PTK2B: variants seen among roughly 807,000 people sequenced by gnomAD.
PTK2B encodes the protein protein-tyrosine kinase 2-beta.
Under a neutral mutation model 142.9 loss-of-function variants are expected in PTK2B, and 71 were observed. That is an observed-to-expected ratio of 0.50 (90% confidence interval 0.41 to 0.61). The LOEUF is 0.61. PTK2B is among the 20% of genes least tolerant of loss of function. The pLI, the probability that PTK2B is intolerant of heterozygous loss-of-function variation, is 0.00. For missense variants in PTK2B, 1,105 were observed against 1,320.4 expected, an observed-to-expected ratio of 0.84 and a Z score of 2.53; for synonymous variants, 519 against 503.4, an observed-to-expected ratio of 1.03 and a Z score of -0.42.
intron 21 of PTK2B, among the ~76,000 whole-genome samples, chr8:27,442,388 C>T (rs142020785): frequency 9.2e-5 from 14 of 152,242 alleles, no homozygotes; most frequent in East Asian, 1.9e-4. Context: ...GTGAGAGGCG[C>T]GCACATGGCT....
intron 2 of PTK2B, among the ~76,000 whole-genome samples, chr8:27,407,908 CAGT>C (rs1436241728): frequency 1.3e-5 from 2 of 152,208 alleles, no homozygotes; most frequent in African/African-American, 4.8e-5. Flanking sequence ...TAAAGCCAGT[CAGT>C]TGTTCTGACC....
At chr8:27,320,979 G>GTTT (rs1257774872), upstream of PTK2B, among the ~76,000 whole-genome samples, 3 of 32,654 alleles carry the variant, frequency 9.2e-5, no homozygotes, top group African/African-American at 1.0e-4. Flanking sequence ...CATACAAAAG[G>GTTT]CTTTTTTTTT....
chr8:27,374,063 G>T (rs1422575001), intron 1 of PTK2B, among the ~76,000 whole-genome samples: 1 of 152,030 alleles, frequency 6.6e-6, no homozygotes, highest in Non-Finnish European at 1.5e-5. Flanking sequence ...TATAATGTAG[G>T]CTTTACCACC....
chr8:27,372,011 G>T (rs987389636), intron 1 of PTK2B, among the ~76,000 whole-genome samples: 1 of 152,214 alleles, frequency 6.6e-6, no homozygotes, highest in African/African-American at 2.4e-5. Flanking sequence ...GGGGAACAGG[G>T]TGTTATGTGG....
upstream of PTK2B, chr8:27,311,274 C>G (rs759162088): frequency 1.4e-5 from 21 of 1,461,106 alleles, 1 homozygote; most frequent in Admixed American, 1.5e-4. Context: ...AACTTTTGCT[C>G]CGGCCCCTCC....
intron 21 of PTK2B, 27 bp from the exon 22 acceptor site, chr8:27,442,848 C>T: frequency 6.3e-7 from 1 of 1,593,470 alleles, no homozygotes; most frequent in Non-Finnish European, 8.6e-7. Context: ...CCTAGTTTCT[C>T]TCCTTATCTG....
intron 2 of PTK2B, among the ~76,000 whole-genome samples, chr8:27,405,035 C>CCTCTCTCTCTCTGT (rs1554498559): frequency 8.4e-6 from 1 of 119,570 alleles, no homozygotes; most frequent in African/African-American, 3.5e-5. Flanking sequence ...TCTTTCTCTT[C>CCTCTCTCTCTCTGT]CTCTCTCTCT....
chr8:27,447,123 A>G (rs1290261900), intron 24 of PTK2B, among the ~76,000 whole-genome samples: 1 of 152,248 alleles, frequency 6.6e-6, no homozygotes, highest in Non-Finnish European at 1.5e-5. Flanking sequence ...TTTGAGGGGT[A>G]GCATTGCCTT....
intron 1 of PTK2B, among the ~76,000 whole-genome samples, chr8:27,371,668 A>T (rs919265024): frequency 6.6e-6 from 1 of 151,970 alleles, no homozygotes; most frequent in Non-Finnish European, 1.5e-5. Context: ...CTGCCTCGGC[A>T]TCCCAAGTAG....
At chr8:27,428,341 G>A (rs1810209185) in intron 5 of PTK2B, among the ~76,000 whole-genome samples, 1 of 152,206 alleles carries the variant, frequency 6.6e-6, no homozygotes, top group Non-Finnish European at 1.5e-5. Flanking sequence ...CATGGTCCAG[G>A]GGTTGGGGAC....
At chr8:27,397,850 G>T (rs1377202690) in intron 2 of PTK2B, 62 bp downstream of exon 2, 2 of 1,581,620 alleles carry the variant, frequency 1.3e-6, no homozygotes, top group Admixed American at 1.7e-5. Flanking sequence ...CTGGGCAGCT[G>T]AGCAGCTCTC....
In PTK2B at chr8:27,420,682, C is replaced by T. The variant is rs963159573; in HGVS notation, c.409C>T (p.Pro137Ser). The change falls in exon 4 of 31, where the codon CCA (proline) becomes TCA (serine). Residue 137 changes from proline (P) to serine (S), a missense_variant. By Grantham distance (74) the Pro-to-Ser change is moderately conservative. Transcript: ENST00000346049. ...GTATGACCTTCAAATCCGCTACTTG[C>T]CAGAAGACTTCATGGAGAGCCTGAA... The part of the protein sequence containing the change: ...WRYDLQIRYL[P>S]EDFMESLKED... The T allele has an allele frequency of 9.9e-6, 16 of 1,614,002 alleles. No homozygotes were observed. The Admixed American group carries it at 2.5e-4, about 25-fold the overall frequency.
intron 30 of PTK2B, among the ~76,000 whole-genome samples, chr8:27,455,032 C>A (rs902490490): frequency 3.9e-5 from 6 of 152,208 alleles, no homozygotes; most frequent in Admixed American, 2.0e-4. Context: ...AAAATCAAAA[C>A]AAGAGTCTTG....
chr8:27,311,600 A>G (rs1252100232), exon 1 of PTK2B: 2 of 303,434 alleles, frequency 6.6e-6, no homozygotes, highest in Non-Finnish European at 1.2e-5. Flanking sequence ...TGCAAATGGG[A>G]AAAGGAGCCT....
At chr8:27,351,867 C>A (rs963801980) in intron 1 of PTK2B, among the ~76,000 whole-genome samples, 3 of 152,220 alleles carry the variant, frequency 2.0e-5, no homozygotes, top group African/African-American at 7.2e-5. Context: ...TTTCGTAACC[C>A]ACTTCCCACG....
At chr8:27,391,866 T>C (rs918069470) in intron 1 of PTK2B, among the ~76,000 whole-genome samples, 1 of 152,222 alleles carries the variant, frequency 6.6e-6, no homozygotes, top group Non-Finnish European at 1.5e-5. Context: ...TTGACTTTGA[T>C]TGTGGCAGAT....
At chr8:27,444,089 T>C in intron 22 of PTK2B, 117 bp from the exon 23 acceptor site, 1 of 1,073,360 alleles carries the variant, frequency 9.3e-7, no homozygotes, top group Non-Finnish European at 1.4e-6. Flanking sequence ...GCTTTGTCCC[T>C]CAACTTTCCT....
intron 1 of PTK2B, among the ~76,000 whole-genome samples, chr8:27,395,072 T>C (rs1440693008): frequency 6.6e-6 from 1 of 152,190 alleles, no homozygotes; most frequent in East Asian, 1.9e-4. Context: ...GTTAACTTTT[T>C]TTTTTATAAG....
chr8:27,447,715 T>C (rs1162398863), intron 24 of PTK2B, among the ~76,000 whole-genome samples: 1 of 152,034 alleles, frequency 6.6e-6, no homozygotes, highest in Non-Finnish European at 1.5e-5. Context: ...AAAAAATTAG[T>C]CAGGCATGGT....
Sources: allele counts gnomAD v4.1 joint callset (sites outside exome capture counted in the v4.1 genomes callset), GRCh38; gene constraint gnomAD v4.1.1; transcripts MANE v1.5; gene names NCBI Gene and HGNC (gene_info 2026-07-23, HGNC 2026-07-21).